EYS: variants seen among roughly 807,000 people sequenced by gnomAD.
The protein encoded by EYS is EGF-like photoreceptor maintenance factor.
Under a neutral mutation model 282.1 loss-of-function variants are expected in EYS, and 250 were observed. The observed-to-expected ratio is 0.89, with a 90% CI of 0.80 to 0.98. EYS has a LOEUF of 0.98. EYS is among the 50% of genes least tolerant of loss of function. EYS has a pLI of 0.00. For synonymous variants in EYS, 1,355 were observed against 1,282.9 expected (o/e 1.06, Z -1.20); for missense variants, 4,016 against 3,709.0 (o/e 1.08, Z -2.15).
intron 2 of EYS, among the ~76,000 whole-genome samples, chr6:65,546,867 G>A (rs1033082752): frequency 2.0e-5 from 3 of 152,018 alleles, no homozygotes; most frequent in African/African-American, 7.2e-5. Context: ...GACCACACCC[G>A]GCCATTCATT....
At chr6:64,955,142 T>G (rs1433643723) in intron 14 of EYS, among the ~76,000 whole-genome samples, 1 of 151,974 alleles carries the variant, frequency 6.6e-6, no homozygotes, top group Non-Finnish European at 1.5e-5. Flanking sequence ...ATTGTGTCAC[T>G]GCACTCCAGT....
At chr6:65,338,171 C>G (rs1770060558) in intron 10 of EYS, among the ~76,000 whole-genome samples, 1 of 151,108 alleles carries the variant, frequency 6.6e-6, no homozygotes, top group Admixed American at 6.6e-5. Context: ...TATCTAAAAA[C>G]TATTGCAAGT....
At chr6:63,852,997 G>C (rs1441909776) in intron 36 of EYS, among the ~76,000 whole-genome samples, 2 of 152,116 alleles carry the variant, frequency 1.3e-5, no homozygotes, top group Non-Finnish European at 2.9e-5. Context: ...AATAATAAGA[G>C]CTATTTATGA....
intron 1 of EYS, among the ~76,000 whole-genome samples, chr6:65,690,949 A>G (rs1769220069): frequency 6.6e-6 from 1 of 150,428 alleles, no homozygotes; most frequent in Non-Finnish European, 1.5e-5. Flanking sequence ...TCCATGGTGT[A>G]TATGTGCCAC....
intron 13 of EYS, among the ~76,000 whole-genome samples, chr6:65,013,514 T>C (rs1042828000): frequency 3.9e-5 from 6 of 152,180 alleles, no homozygotes; most frequent in Admixed American, 3.9e-4. Context: ...ATTATGTAAG[T>C]AGAATTCCAA....
chr6:65,648,571 C>T (rs990993520), intron 1 of EYS, among the ~76,000 whole-genome samples: 12 of 151,796 alleles, frequency 7.9e-5, no homozygotes, highest in East Asian at 5.8e-4. Context: ...GTGGGAGGGT[C>T]GTGAGGAGTA....
chr6:64,537,278 A>T (rs1439598626), intron 26 of EYS, among the ~76,000 whole-genome samples: 2 of 148,628 alleles, frequency 1.3e-5, no homozygotes, highest in African/African-American at 2.5e-5. Context: ...TGTTCTTGTG[A>T]TAGTTTACTG....
chr6:65,185,648 G>C (rs1384540535), intron 12 of EYS, among the ~76,000 whole-genome samples: 1 of 151,738 alleles, frequency 6.6e-6, no homozygotes, highest in Non-Finnish European at 1.5e-5. Flanking sequence ...TATGACATGA[G>C]TGCTAGGCTC....
At chr6:64,737,415 GGT>G (rs771912502) in intron 22 of EYS, among the ~76,000 whole-genome samples, 35 of 152,058 alleles carry the variant, frequency 2.3e-4, no homozygotes, top group Admixed American at 5.9e-4. Flanking sequence ...GCTTTAACCT[GGT>G]AGAGAAAAAC....
chr6:64,957,642 G>A (rs1462643376), intron 14 of EYS, among the ~76,000 whole-genome samples: 1 of 152,152 alleles, frequency 6.6e-6, no homozygotes, highest in African/African-American at 2.4e-5. Flanking sequence ...TTGAAGGGAT[G>A]AAGACCTCAT....
chr6:64,397,485 T>C (rs370058282), intron 28 of EYS, among the ~76,000 whole-genome samples: 7 of 152,062 alleles, frequency 4.6e-5, no homozygotes, highest in East Asian at 1.9e-4. Flanking sequence ...TTAGTTGATA[T>C]AAATTATCTA....
intron 1 of EYS, among the ~76,000 whole-genome samples, chr6:65,688,051 T>C (rs1336148915): frequency 6.6e-6 from 1 of 150,426 alleles, no homozygotes; most frequent in Admixed American, 6.7e-5. Flanking sequence ...AATCTACCAA[T>C]GACTTTCTTC....
At chr6:64,906,974 AAC>A (rs1253650854) in intron 16 of EYS, among the ~76,000 whole-genome samples, 1 of 152,196 alleles carries the variant, frequency 6.6e-6, no homozygotes. Flanking sequence ...CTATGCTACA[AAC>A]ACACACATTC....
intron 31 of EYS, among the ~76,000 whole-genome samples, chr6:64,126,584 T>C (rs930408407): frequency 3.9e-5 from 6 of 152,040 alleles, no homozygotes; most frequent in African/African-American, 1.4e-4. Flanking sequence ...ATTCTTATTT[T>C]CTCTGCCAGG....
chr6:64,901,273 G>C (rs1333061236), intron 18 of EYS, among the ~76,000 whole-genome samples: 1 of 125,494 alleles, frequency 8.0e-6, no homozygotes, highest in African/African-American at 3.3e-5. Flanking sequence ...ATAGCATTAG[G>C]AGAAATACCT....
chr6:64,798,254 T>C (rs1774421024), intron 22 of EYS, among the ~76,000 whole-genome samples: 1 of 151,900 alleles, frequency 6.6e-6, no homozygotes, highest in Admixed American at 6.6e-5. Context: ...TCCCTCAAGA[T>C]TTTCAAGGTT....
intron 22 of EYS, among the ~76,000 whole-genome samples, chr6:64,751,601 A>C (rs970035646): frequency 9.9e-5 from 15 of 152,226 alleles, no homozygotes; most frequent in African/African-American, 2.9e-4. Flanking sequence ...CCATTGCCTG[A>C]GGAAACTGAG....
At chr6:65,210,000 A>T (rs1225745036) in intron 12 of EYS, among the ~76,000 whole-genome samples, 1 of 152,012 alleles carries the variant, frequency 6.6e-6, no homozygotes, top group Non-Finnish European at 1.5e-5. Context: ...GAAGTAATGA[A>T]AACATGTAGA....
intron 31 of EYS, among the ~76,000 whole-genome samples, chr6:64,125,154 G>GTC (rs112304740): frequency 4.6e-3 from 672 of 145,312 alleles, no homozygotes; most frequent in South Asian, 9.8e-3. Context: ...CACACTCTCT[G>GTC]TCTCTCTCTC....
Sources: gnomAD v4.1 joint callset for allele counts (sites outside exome capture counted in the v4.1 genomes callset) on GRCh38, gnomAD v4.1.1 for gene constraint, MANE v1.5 for transcripts, NCBI Gene and HGNC (gene_info 2026-07-23, HGNC 2026-07-21) for gene names.